PRKCH: variants seen among roughly 807,000 people sequenced by gnomAD.
PRKCH encodes protein kinase C eta type.
In PRKCH, 28 loss-of-function variants were observed where a neutral mutation model predicts 82.5. The ratio of observed to expected loss-of-function variants is 0.34; its 90% CI spans 0.25 to 0.47. The LOEUF (loss-of-function observed/expected upper bound fraction) is 0.47, where lower values mean the gene tolerates loss of function less well. PRKCH is among the 20% of genes least tolerant of loss of function. PRKCH has a pLI of 1.00. For missense variants in PRKCH, 705 were observed against 881.8 expected (o/e 0.80, Z 2.54); for synonymous variants, 322 against 327.4 (o/e 0.98, Z 0.18).
At chr14:61,529,513 C>T (rs1457083911) in intron 11 of PRKCH, among the ~76,000 whole-genome samples, 1 of 151,496 alleles carries the variant, frequency 6.6e-6, no homozygotes, top group Non-Finnish European at 1.5e-5. Context: ...CCCAAATGTC[C>T]AACAATGATA....
chr14:61,496,639 C>CTT (rs144747367), intron 10 of PRKCH, among the ~76,000 whole-genome samples: 5,785 of 152,262 alleles, frequency 0.038, 341 homozygotes, highest in African/African-American at 0.13. Flanking sequence ...TTTCCATAGG[C>CTT]TGTGCCCCTG....
rs1305111487 is a variant in PRKCH, at chr14:61,322,174, A to C, written c.73A>C (p.Thr25Pro). 2 of 1,610,142 alleles carry C rather than the reference A, an allele frequency of 1.2e-6. No individual in the cohort carries two copies. The highest frequency in any genetic ancestry group is 3.4e-5 in the Admixed American group (2 of 59,622). Residue 25 changes from threonine (T) to proline (P), a missense_variant, in exon 1 of 14, where the codon ACC (threonine) becomes CCC (proline). Coordinates refer to ENST00000332981, the MANE Select transcript of PRKCH (RefSeq NM_006255.5). Reference sequence around the variant, plus strand: ...CGGTGAGGCAGTGGGGCTGCAGCCCACCCGCTGGTCCCTGCGCCACTCGCT... The same window carrying C: ...CGGTGAGGCAGTGGGGCTGCAGCCCCCCCGCTGGTCCCTGCGCCACTCGCT... ...RIGEAVGLQPTRWSLRHSLFK... is the reference protein window; with the variant it reads ...RIGEAVGLQPPRWSLRHSLFK...
intron 1 of PRKCH, among the ~76,000 whole-genome samples, chr14:61,212,352 G>T (rs1170819331): frequency 6.6e-6 from 1 of 152,160 alleles, no homozygotes; most frequent in Non-Finnish European, 1.5e-5. Flanking sequence ...TCATTGGAAG[G>T]CTGAGAAGTA....
chr14:61,535,597 A>G (rs2043097778), intron 12 of PRKCH, among the ~76,000 whole-genome samples: 1 of 152,222 alleles, frequency 6.6e-6, no homozygotes, highest in South Asian at 2.1e-4. Context: ...GAGGAGGCTG[A>G]GGGAACAGTG....
At chr14:61,254,126 C>A (rs1012047939) in intron 1 of PRKCH, among the ~76,000 whole-genome samples, 5 of 151,626 alleles carry the variant, frequency 3.3e-5, no homozygotes, top group African/African-American at 7.3e-5. Context: ...TGTTTCTATT[C>A]TCAGAGAGCT....
At chr14:61,268,854 C>T (rs567867253) in intron 1 of PRKCH, among the ~76,000 whole-genome samples, 2 of 152,302 alleles carry the variant, frequency 1.3e-5, no homozygotes, top group East Asian at 1.9e-4. Context: ...ACTCTGGAGG[C>T]TTTCTGCTCC....
chr14:61,383,792 G>A (rs1161175482), intron 1 of PRKCH, among the ~76,000 whole-genome samples: 1 of 152,076 alleles, frequency 6.6e-6, no homozygotes, highest in Non-Finnish European at 1.5e-5. Context: ...AGAGGGGCCT[G>A]ACTAGGACAG....
chr14:61,514,650 A>G (rs917236091), intron 10 of PRKCH, among the ~76,000 whole-genome samples: 6 of 152,166 alleles, frequency 3.9e-5, no homozygotes, highest in African/African-American at 1.4e-4. Context: ...GTCTCCTGGG[A>G]ACCTGGCCAA....
chr14:61,280,127 G>GA lies in PRKCH; in HGVS notation c.-19+92461dup, dbSNP rs758996575. On this transcript the variant is annotated intron_variant, in intron 1 of 3. Coordinates refer to the PRKCH transcript ENST00000555185. This position sits in a 1 kb window ranked among gnomAD's most constrained non-coding sequence, Gnocchi z 5.0. ...TCGTCGTCGTCCTGGTCCTGGTAGC[G>GA]AATGTAGACGACCAGCATGACAAAG... is the stretch of plus-strand genomic sequence containing the variant. The GA allele has an allele frequency of 3.7e-6, 6 of 1,613,712 alleles. No individual in the cohort carries two copies. The African/African-American group carries it at 8.0e-5, about 22-fold the overall frequency.
chr14:61,506,593 A>G (rs1887160700), intron 10 of PRKCH, among the ~76,000 whole-genome samples: 2 of 152,092 alleles, frequency 1.3e-5, no homozygotes, highest in African/African-American at 2.4e-5. Flanking sequence ...TCAGAATTCC[A>G]TGAAGGATGG....
At chr14:61,496,584 C>G (rs1886677267) in intron 10 of PRKCH, among the ~76,000 whole-genome samples, 1 of 152,182 alleles carries the variant, frequency 6.6e-6, no homozygotes, top group Non-Finnish European at 1.5e-5. Flanking sequence ...AGGTTAGGTG[C>G]CCCCTCTGTT....
intron 10 of PRKCH, among the ~76,000 whole-genome samples, chr14:61,505,395 C>CTTTTTTTTTTTTGTTTTTTTTT (rs1887100126): frequency 1.8e-5 from 1 of 55,738 alleles, no homozygotes; most frequent in African/African-American, 6.5e-5. Flanking sequence ...CTTTTCTTTT[C>CTTTTTTTTTTTTGTTTTTTTTT]TTTTTTTTTT....
At chr14:61,491,701 C>T (rs1022488621) in intron 10 of PRKCH, among the ~76,000 whole-genome samples, 6 of 152,170 alleles carry the variant, frequency 3.9e-5, no homozygotes, top group South Asian at 2.1e-4. Context: ...TCCCTTTTCC[C>T]GTAGTGAAAC....
chr14:61,261,107 A>G (rs948142714), intron 1 of PRKCH, among the ~76,000 whole-genome samples: 3 of 152,264 alleles, frequency 2.0e-5, no homozygotes, highest in African/African-American at 7.2e-5. Context: ...CCACCAACAA[A>G]AAAACCAAAC....
Position 61,461,865 on chromosome 14 carries a change from G to A in PRKCH, c.1278+4186G>A, listed in dbSNP as rs570191972. Among the ~76,000 whole-genome samples the A allele has an allele frequency of 2.0e-5, 3 of 152,320 alleles. No individual in the cohort carries two copies. In the South Asian group the frequency reaches 6.2e-4, roughly 32 times the overall value. On this transcript the variant is annotated intron_variant, in intron 9 of 13. Transcript: ENST00000332981. ...TTTTAGCGGCCACATGAGATTCCCA[G>A]TGTTTAGTGGGTGAAGCCTTTACTA...
intron 1 of PRKCH, among the ~76,000 whole-genome samples, chr14:61,256,337 A>G (rs561079332): frequency 1.3e-5 from 2 of 152,266 alleles, no homozygotes; most frequent in South Asian, 4.1e-4. Flanking sequence ...AGCAAATAGA[A>G]TAGTATTCCA....
intron 1 of PRKCH, among the ~76,000 whole-genome samples, chr14:61,324,261 C>G (rs1383689770): frequency 6.6e-6 from 1 of 152,174 alleles, no homozygotes; most frequent in Non-Finnish European, 1.5e-5. Flanking sequence ...TATTGTTCCA[C>G]TGGATGAATA....
chr14:61,342,365 A>G (rs893529983), intron 1 of PRKCH, among the ~76,000 whole-genome samples: 10 of 152,130 alleles, frequency 6.6e-5, no homozygotes, highest in African/African-American at 2.4e-5. Flanking sequence ...GGTGCCTTGG[A>G]TTGTGAGTTA....
At chr14:61,328,847 A>G (rs374416038) in intron 1 of PRKCH, among the ~76,000 whole-genome samples, 49 of 152,158 alleles carry the variant, frequency 3.2e-4, no homozygotes, top group African/African-American at 1.0e-3. Flanking sequence ...TTAGCCAGGC[A>G]TGGTAGCACA....
Sources: allele counts gnomAD v4.1 joint callset (sites outside exome capture counted in the v4.1 genomes callset), GRCh38; gene constraint gnomAD v4.1.1; non-coding constraint Gnocchi (gnomAD v3.1); transcripts MANE v1.5; gene names NCBI Gene and HGNC (gene_info 2026-07-23, HGNC 2026-07-21).